The following TMEM67 variants were observed in gnomAD, a reference collection of about 807,000 sequenced individuals.
TMEM67 encodes the protein meckelin.
In TMEM67, 124 loss-of-function variants were observed where a neutral mutation model predicts 136.6. The ratio of observed to expected loss-of-function variants is 0.91; its 90% CI spans 0.78 to 1.05. TMEM67 has a LOEUF of 1.05. TMEM67 is among the 50% of genes least tolerant of loss of function. The probability of loss-of-function intolerance (pLI) is 0.00; values close to 1 mark genes in which losing one functional copy is unlikely to be tolerated. For synonymous variants in TMEM67, 364 were observed against 390.5 expected, an observed-to-expected ratio of 0.93 and a Z score of 0.80; for missense variants, 1,107 against 1,178.4, an observed-to-expected ratio of 0.94 and a Z score of 0.89.
intron 7 of TMEM67, among the ~76,000 whole-genome samples, chr8:93,779,072 T>A (rs1166549413): frequency 3.9e-5 from 6 of 152,242 alleles, no homozygotes. Context: ...CTTTTTTCTC[T>A]AACCTTGTCG....
In TMEM67 at chr8:93,815,412, A is replaced by AT. The variant is rs1251531728; in HGVS notation, c.2876dup (p.Leu959PhefsTer14). The stretch of plus-strand genomic sequence containing the variant: ...TGTGGATTTGGCTTGCCAAAATTTT[A>AT]TTTTAGCATCCTTCCTTACATATCT... On this transcript the variant is annotated frameshift_variant, in exon 27 of 28. Coordinates refer to ENST00000453321, the MANE Select transcript of TMEM67 (RefSeq NM_153704.6). LOFTEE classifies it high-confidence loss of function. 1 of 1,612,888 alleles carries AT rather than the reference A, an allele frequency of 6.2e-7. No homozygotes were observed. The highest frequency in any genetic ancestry group is 1.3e-5 in the African/African-American group (1 of 75,030).
At chr8:93,786,198 A>G in intron 12 of TMEM67, 25 bp from the exon 13 acceptor site, 2 of 1,611,024 alleles carry the variant, frequency 1.2e-6, no homozygotes, top group South Asian at 1.1e-5. Context: ...TTGTGCAGTA[A>G]ACTTTTTTCT....
intron 13 of TMEM67, among the ~76,000 whole-genome samples, chr8:93,786,600 T>G (rs1814118865): frequency 6.6e-6 from 1 of 152,188 alleles, no homozygotes; most frequent in Non-Finnish European, 1.5e-5. Context: ...TAGAATGGGT[T>G]GCGAATAGCT....
chr8:93,794,151 A>G (rs758500300), intron 16 of TMEM67, among the ~76,000 whole-genome samples: 1 of 152,072 alleles, frequency 6.6e-6, no homozygotes, highest in South Asian at 2.1e-4. Flanking sequence ...CAGCCTCCCA[A>G]AGTGCTGGGA....
intron 26 of TMEM67, among the ~76,000 whole-genome samples, chr8:93,812,414 C>T (rs1808737417): frequency 6.6e-6 from 1 of 152,104 alleles, no homozygotes; most frequent in African/African-American, 2.4e-5. Flanking sequence ...CCCAGCAGTT[C>T]GAGGCTGCAG....
In TMEM67 at chr8:93,781,750, C is replaced by T; in HGVS notation, c.1065+6C>T. On this transcript the variant is annotated splice_donor_region_variant and intron_variant, in intron 10 of 27. Transcript: ENST00000453321. ...TAGAAGGAGGTGTTTTACAGGTAAG[C>T]ATGATTCTAGTTAAAGAATTAATAA... is the stretch of plus-strand genomic sequence containing the variant. The T allele has an allele frequency of 6.4e-7, 1 of 1,559,082 alleles. No individual in the cohort carries two copies. The highest frequency in any genetic ancestry group is 1.1e-5 in the South Asian group (1 of 88,064).
chr8:93,813,986 AG>A (rs1022919905), intron 26 of TMEM67, among the ~76,000 whole-genome samples: 1 of 152,186 alleles, frequency 6.6e-6, no homozygotes, highest in African/African-American at 2.4e-5. Context: ...CCCTGTAACT[AG>A]TACCCTTTCA....
At chr8:93,809,693 T>G in intron 25 of TMEM67, 92 bp from the exon 26 acceptor site, 1 of 774,576 alleles carries the variant, frequency 1.3e-6, no homozygotes, top group South Asian at 1.6e-5. Context: ...ATACTATTCA[T>G]TTTTCATTTT....
intron 7 of TMEM67, among the ~76,000 whole-genome samples, chr8:93,777,036 G>T (rs184956177): frequency 6.6e-4 from 100 of 152,178 alleles, no homozygotes; most frequent in African/African-American, 2.3e-3. Flanking sequence ...AGATGCTGTT[G>T]TTGGTCTATT....
At chr8:93,795,384 T>A in intron 16 of TMEM67, 25 bp from the exon 17 acceptor site, 2 of 1,590,552 alleles carry the variant, frequency 1.3e-6, no homozygotes, top group Non-Finnish European at 1.7e-6. Flanking sequence ...CTTAAACAGC[T>A]GTAATTCTTT....
intron 3 of TMEM67, among the ~76,000 whole-genome samples, chr8:93,761,128 A>G (rs988630817): frequency 1.3e-5 from 2 of 152,008 alleles, no homozygotes; most frequent in Non-Finnish European, 2.9e-5. Flanking sequence ...TGACGAATGT[A>G]GTCGCTATTA....
rs529443482 is a variant in TMEM67, at chr8:93,795,000, G to C, written c.1675-409G>C. 5.6e-5 allele frequency: 12 copies of C among 214,590 alleles called. No homozygotes were observed. The South Asian group carries it at 8.0e-4, about 14-fold the overall frequency. 13.3% of individuals were successfully genotyped at this position (214,590 alleles called of 1,614,324 possible). ...TTTGGCCCATATTGTGAAAGACCTT[G>C]TGGATCAGGAATTTATATTGCAATG... On this transcript the variant is annotated intron_variant, in intron 16 of 27. Coordinates refer to ENST00000453321, the MANE Select transcript of TMEM67 (RefSeq NM_153704.6).
chr8:93,815,635 CA>C (rs981309919), intron 27 of TMEM67, among the ~76,000 whole-genome samples, 188 bp downstream of exon 27: 1 of 152,142 alleles, frequency 6.6e-6, no homozygotes, highest in Non-Finnish European at 1.5e-5. Context: ...CCTTTAGGGT[CA>C]ATGAAATACT....
intron 14 of TMEM67, among the ~76,000 whole-genome samples, chr8:93,789,452 C>T (rs1814269407): frequency 6.6e-6 from 1 of 151,890 alleles, no homozygotes; most frequent in African/African-American, 2.4e-5. Context: ...TTATTTTCAG[C>T]TTGACCAACA....
chr8:93,798,895 A>C (rs1454966174), intron 20 of TMEM67, among the ~76,000 whole-genome samples: 2 of 151,662 alleles, frequency 1.3e-5, no homozygotes, highest in African/African-American at 4.8e-5. Flanking sequence ...TGGCTAAATC[A>C]AGCTAGTTTA....
intron 3 of TMEM67, among the ~76,000 whole-genome samples, chr8:93,762,284 CTTTTA>C (rs2130567377): frequency 6.6e-6 from 1 of 150,804 alleles, no homozygotes; most frequent in South Asian, 2.1e-4. Context: ...CCTTTTGTGC[CTTTTA>C]TTTTTATATT....
chr8:93,813,037 T>C (rs1011668651), intron 26 of TMEM67, among the ~76,000 whole-genome samples: 7 of 151,734 alleles, frequency 4.6e-5, no homozygotes, highest in Non-Finnish European at 8.8e-5. Context: ...TGTCTGGCCC[T>C]ATTATTTTTA....
chr8:93,765,614 C>G lies in TMEM67; in HGVS notation c.619C>G (p.Arg207Gly), dbSNP rs1327177322. The change falls in exon 6 of 28, where the codon CGT becomes GGT. Residue 207 changes from arginine to glycine, a missense_variant. Arg to Gly is a moderately radical substitution (Grantham distance 125). Transcript: ENST00000453321. ...CFSSTGNFPLRRISAARYGEV... is the reference protein window; with the variant it reads ...CFSSTGNFPLGRISAARYGEV... ...CAGCAGCACAGGGAATTTTCCTCTA[C>G]GTAGAATTTCAGCTGCACGTTATGG... 2 of 1,613,124 alleles carry G rather than the reference C, an allele frequency of 1.2e-6. No individual in the cohort carries two copies. The highest frequency in any genetic ancestry group is 1.7e-6 in the Non-Finnish European group (2 of 1,179,168).
chr8:93,831,672 TTGTGTGTGTGTGCATG>T, the TMEM67 span, among the ~76,000 whole-genome samples: 7 of 151,190 alleles, frequency 4.6e-5, no homozygotes, highest in African/African-American at 1.4e-4. Context: ...ATGCATGTGC[TTGTGTGTGTGTGCATG>T]TGTGTGTGTG....
Sources: gnomAD v4.1 joint callset for allele counts (sites outside exome capture counted in the v4.1 genomes callset) on GRCh38, gnomAD v4.1.1 for gene constraint, MANE v1.5 for transcripts, NCBI Gene and HGNC (gene_info 2026-07-23, HGNC 2026-07-21) for gene names.